The following PDE6B variants were observed in gnomAD, a reference collection of about 807,000 sequenced individuals.
PDE6B encodes the protein rod cGMP-specific 3',5'-cyclic phosphodiesterase subunit beta.
PDE6B carries 106 observed loss-of-function variants against 109.0 expected under a neutral mutation model. The observed-to-expected ratio is 0.97, with a 90% CI of 0.83 to 1.14. The LOEUF is 1.14. Among genes scored for constraint, PDE6B ranks in the 50% most tolerant of loss-of-function variants. PDE6B has a pLI of 0.00. For synonymous variants in PDE6B, 490 were observed against 471.3 expected, an observed-to-expected ratio of 1.04 and a Z score of -0.51; for missense variants, 1,193 against 1,155.6, an observed-to-expected ratio of 1.03 and a Z score of -0.47.
In PDE6B at chr4:666,482, G is replaced by A. The variant is rs1053233054; in HGVS notation, c.2269-49G>A. On this transcript the variant is annotated intron_variant, in intron 19 of 21. Transcript: ENST00000496514. The surrounding 1 kb of genome is among the most constrained non-coding windows in gnomAD (Gnocchi z 5.6). ...GTCGGGGGGCTGGGCGGGGCCCCAG[G>A]AGCTGCCTCCCTGGTCACTGTTCTC... 2 of 1,325,700 alleles carry A rather than the reference G, an allele frequency of 1.5e-6. No homozygotes were observed. Among genetic ancestry groups the A allele is most frequent in the Non-Finnish European group, 2.2e-6 (2 of 918,282 alleles). 82.1% of individuals were successfully genotyped at this position (1,325,700 alleles called of 1,614,324 possible).
Position 633,503 on chromosome 4 carries a change from G to C in PDE6B, c.469-1174G>C, listed in dbSNP as rs1325798516. ...CTCTCAACCTTGCTGCAGGGGAAGGGGGTGGAGGGGAGTTGCGAGGAGTCT... is the reference window on the plus strand; with the variant it reads ...CTCTCAACCTTGCTGCAGGGGAAGGCGGTGGAGGGGAGTTGCGAGGAGTCT... On this transcript the variant is annotated intron_variant, in intron 1 of 21. Coordinates refer to ENST00000496514, the MANE Select transcript of PDE6B (RefSeq NM_000283.4). This position sits in a 1 kb window ranked among gnomAD's most constrained non-coding sequence, Gnocchi z 4.5. Among the ~76,000 whole-genome samples the C allele has an allele frequency of 6.6e-6, 1 of 152,166 alleles. No homozygotes were observed. The highest frequency in any genetic ancestry group is 1.5e-5 in the Non-Finnish European group (1 of 68,038).
intron 11 of PDE6B, among the ~76,000 whole-genome samples, chr4:659,582 TGC>T (rs1560128354): frequency 6.6e-6 from 1 of 151,538 alleles, no homozygotes; most frequent in Non-Finnish European, 1.5e-5. Flanking sequence ...GGTGTGTGTG[TGC>T]ACATGTGGGT....
At chr4:655,812 C>T (rs1736157431) in intron 6 of PDE6B, 128 bp from the exon 7 acceptor site, 1 of 747,696 alleles carries the variant, frequency 1.3e-6, no homozygotes, top group East Asian at 2.5e-5. Flanking sequence ...CCCTCTGACC[C>T]CTGCACACAC....
At position 640,395 on chromosome 4, in the gene PDE6B, C is replaced by T. The variant is rs1327869526; in HGVS notation, c.711+4426C>T. 7.9e-5 allele frequency among the ~76,000 whole-genome samples: 12 copies of T among 152,020 alleles called. 1 individual carries two copies. The highest frequency in any genetic ancestry group is 7.9e-4 in the Admixed American group (12 of 15,260). ...TACTAAAAAAAATATGAAAATTAGC[C>T]AGGCATGGTGGCGGGCACCTGTAAT... On this transcript the variant is annotated intron_variant, in intron 3 of 21. Transcript: ENST00000496514.
chr4:658,619 C>T (rs1156521439), intron 10 of PDE6B, among the ~76,000 whole-genome samples: 1 of 152,110 alleles, frequency 6.6e-6, no homozygotes, highest in Non-Finnish European at 1.5e-5. Flanking sequence ...CCCGAGGTCC[C>T]TCTGTCTGCA....
At chr4:651,113 G>C (rs867757138) in intron 3 of PDE6B, among the ~76,000 whole-genome samples, 9 of 149,104 alleles carry the variant, frequency 6.0e-5, no homozygotes, top group African/African-American at 2.0e-4. Flanking sequence ...GGCTGAGGTG[G>C]CGATGTCAAC....
Position 625,898 on chromosome 4 carries a change from G to A in PDE6B, c.272G>A (p.Arg91His), listed in dbSNP as rs142736367. ...RRLCTLLQAD[R>H]CSLFMYRQRN... is the part of the protein sequence containing the mutation. ...CTCTGCACCCTCCTGCAGGCCGACC[G>A]CTGCAGCCTCTTCATGTACCGCCAG... The change falls in exon 1 of 22, where the codon CGC becomes CAC. Residue 91 changes from arginine (R) to histidine (H), a missense_variant. By Grantham distance (29) the Arg-to-His change is conservative (BLOSUM62 0). Coordinates refer to ENST00000496514, the MANE Select transcript of PDE6B (RefSeq NM_000283.4). The surrounding 1 kb of genome is among the most constrained non-coding windows in gnomAD (Gnocchi z 5.0). The A allele has an allele frequency of 3.2e-5, 52 of 1,603,276 alleles. No homozygotes were observed. The highest frequency in any genetic ancestry group is 8.0e-5 in the African/African-American group (6 of 74,734).
At position 659,002 on chromosome 4, in the gene PDE6B, G is replaced by A; in HGVS notation, c.1452G>A (p.Glu484=). 1 of 1,613,442 alleles carries A rather than the reference G, an allele frequency of 6.2e-7. No homozygotes were observed. The highest frequency in any genetic ancestry group is 8.5e-7 in the Non-Finnish European group (1 of 1,179,662). The change falls in exon 11 of 22, where the codon GAG becomes GAA. Residue 484 remains glutamate (E), a synonymous_variant. Transcript: ENST00000496514. The stretch of plus-strand genomic sequence containing the variant: ...AGCCTGCTGACTGCGATGAGGACGA[G>A]CTGGGCGAAATCCTGGTAAGAACCT... ...GKEPADCDED[E]LGEILKEELP...
In PDE6B at chr4:665,081, C is replaced by T. The variant is rs540904680; in HGVS notation, c.2193+137C>T. The T allele has an allele frequency of 5.3e-4, 453 of 848,198 alleles. 1 individual carries two copies. Among genetic ancestry groups the T allele is most frequent in the Middle Eastern group, 4.4e-3 (14 of 3,186 alleles). 52.5% of individuals were successfully genotyped at this position (848,198 alleles called of 1,614,324 possible). A position where few individuals can be genotyped will look rare whatever the true frequency, so the allele number is the denominator to read the frequency against. Reference sequence around the variant, plus strand: ...GGGCCACCTCGGGGCCAGGCCAGGGCGGCAAGGATGGGGGTACTGCAGTGT... The same window carrying T: ...GGGCCACCTCGGGGCCAGGCCAGGGTGGCAAGGATGGGGGTACTGCAGTGT... On this transcript the variant is annotated intron_variant, in intron 18 of 21. Coordinates refer to ENST00000496514, the MANE Select transcript of PDE6B (RefSeq NM_000283.4). The surrounding 1 kb of genome is among the most constrained non-coding windows in gnomAD (Gnocchi z 4.0).
At chr4:650,127 G>A (rs955807937) in intron 3 of PDE6B, among the ~76,000 whole-genome samples, 1 of 152,220 alleles carries the variant, frequency 6.6e-6, no homozygotes, top group Non-Finnish European at 1.5e-5. Flanking sequence ...TGGGACGCTG[G>A]GCACGGGCTT....
chr4:665,560 C>T lies in PDE6B; in HGVS notation c.2268+231C>T, dbSNP rs1226888068. Among the ~76,000 whole-genome samples, 2 of 152,154 alleles carry T rather than the reference C, an allele frequency of 1.3e-5. No homozygotes were observed. Among genetic ancestry groups the T allele is most frequent in the Non-Finnish European group, 2.9e-5 (2 of 68,028 alleles). On this transcript the variant is annotated intron_variant, in intron 19 of 21. Coordinates refer to ENST00000496514, the MANE Select transcript of PDE6B (RefSeq NM_000283.4). The surrounding 1 kb of genome is among the most constrained non-coding windows in gnomAD (Gnocchi z 4.0). ...GTGACGTCGTTGGCACTGGAGGAAC[C>T]AGGGCCACCCGCTCATCACCAGGAG...
Position 666,481 on chromosome 4 carries a change from G to A in PDE6B, c.2269-50G>A, listed in dbSNP as rs376686566. The A allele has an allele frequency of 7.6e-7, 1 of 1,322,028 alleles. No homozygotes were observed. Among genetic ancestry groups the A allele is most frequent in the Non-Finnish European group, 1.1e-6 (1 of 914,960 alleles). 81.9% of individuals were successfully genotyped at this position (1,322,028 alleles called of 1,614,324 possible). A position where few individuals can be genotyped will look rare whatever the true frequency, so the allele number is the denominator to read the frequency against. On this transcript the variant is annotated intron_variant, in intron 19 of 21. Coordinates refer to ENST00000496514, the MANE Select transcript of PDE6B (RefSeq NM_000283.4). The surrounding 1 kb of genome is among the most constrained non-coding windows in gnomAD (Gnocchi z 5.6). ...GGTCGGGGGGCTGGGCGGGGCCCCA[G>A]GAGCTGCCTCCCTGGTCACTGTTCT... is the stretch of plus-strand genomic sequence containing the variant.
At chr4:659,224 T>C (rs549551630) in intron 11 of PDE6B, among the ~76,000 whole-genome samples, 69 of 152,272 alleles carry the variant, frequency 4.5e-4, no homozygotes, top group African/African-American at 1.5e-3. Flanking sequence ...AGTGTGTCCC[T>C]GAGTGTGTTT....
At position 662,378 on chromosome 4, in the gene PDE6B, C is replaced by T; in HGVS notation, c.1723-131C>T. 2 of 816,452 alleles carry T rather than the reference C, an allele frequency of 2.4e-6. No homozygotes were observed. Among genetic ancestry groups the T allele is most frequent in the Non-Finnish European group, 2.1e-6 (1 of 477,830 alleles). 50.6% of individuals were successfully genotyped at this position (816,452 alleles called of 1,614,324 possible). The stretch of plus-strand genomic sequence containing the variant: ...GAGGGCAACGCCCTCTGACACCGTG[C>T]ACCGCGCACCCCAGCCCTGCGGTGG... On this transcript the variant is annotated intron_variant, in intron 13 of 21. Transcript: ENST00000496514. The surrounding 1 kb of genome is among the most constrained non-coding windows in gnomAD (Gnocchi z 4.3).
intron 11 of PDE6B, among the ~76,000 whole-genome samples, chr4:659,997 C>T (rs1381063033): frequency 6.6e-6 from 1 of 151,882 alleles, no homozygotes; most frequent in Non-Finnish European, 1.5e-5. Flanking sequence ...TACCTCATGG[C>T]TGTGTGTGTG....
chr4:640,209 A>G (rs567748405), intron 3 of PDE6B, among the ~76,000 whole-genome samples: 32 of 152,226 alleles, frequency 2.1e-4, no homozygotes, highest in African/African-American at 7.2e-4. Context: ...CTCACTTTAC[A>G]CTGTATTTTG....
intron 3 of PDE6B, among the ~76,000 whole-genome samples, chr4:646,584 C>T (rs1325589897): frequency 2.0e-5 from 3 of 152,162 alleles, no homozygotes; most frequent in African/African-American, 4.8e-5. Flanking sequence ...TTCCGGCACC[C>T]GCCGCCCACT....
chr4:655,059 G>A (rs1736055436), intron 6 of PDE6B, 171 bp downstream of exon 6: 1 of 644,150 alleles, frequency 1.6e-6, no homozygotes, highest in Admixed American at 2.3e-5. Context: ...GTGGAGTTGG[G>A]GGTGAGACAG....
intron 21 of PDE6B, 73 bp from the exon 22 acceptor site, chr4:669,973 C>G: frequency 1.5e-6 from 2 of 1,294,444 alleles, no homozygotes; most frequent in Non-Finnish European, 2.2e-6. Flanking sequence ...AGAGGTCACA[C>G]CAGGCAGGAG....
Sources: allele counts gnomAD v4.1 joint callset (sites outside exome capture counted in the v4.1 genomes callset), GRCh38; gene constraint gnomAD v4.1.1; non-coding constraint Gnocchi (gnomAD v3.1); transcripts MANE v1.5; gene names NCBI Gene and HGNC (gene_info 2026-07-23, HGNC 2026-07-21).